Variants in EFCAB11 observed in about 807,000 individuals in gnomAD.
The protein encoded by EFCAB11 is EF-hand calcium-binding domain-containing protein 11.
Under a neutral mutation model 23.0 loss-of-function variants are expected in EFCAB11, and 14 were observed. That is an observed-to-expected ratio of 0.61 (90% CI 0.40 to 0.95). EFCAB11 has a LOEUF of 0.95. Among genes scored for constraint, EFCAB11 ranks in the 40% least tolerant of loss-of-function variants. The pLI is 0.00. For missense variants in EFCAB11, 198 were observed against 195.8 expected, an observed-to-expected ratio of 1.01 and a Z score of -0.07; for synonymous variants, 65 against 66.6, an observed-to-expected ratio of 0.98 and a Z score of 0.11.
intron 5 of EFCAB11, among the ~76,000 whole-genome samples, chr14:89,882,487 T>A (rs1297259592): frequency 6.6e-6 from 1 of 152,236 alleles, no homozygotes; most frequent in East Asian, 1.9e-4. Flanking sequence ...ATGTTTCATT[T>A]CATCCAGGTG....
intron 3 of EFCAB11, among the ~76,000 whole-genome samples, chr14:89,946,716 C>A (rs111584410): frequency 6.6e-6 from 1 of 150,732 alleles, no homozygotes; most frequent in Admixed American, 6.6e-5. Flanking sequence ...ATTACAGGCA[C>A]GTGCCATCAT....
At chr14:89,878,473 C>T (rs902531289) in intron 5 of EFCAB11, among the ~76,000 whole-genome samples, 1 of 151,996 alleles carries the variant, frequency 6.6e-6, no homozygotes, top group Non-Finnish European at 1.5e-5. Flanking sequence ...AGCAACAATC[C>T]ATATCCAAAA....
chr14:89,889,723 C>T (rs1888902655), intron 5 of EFCAB11, among the ~76,000 whole-genome samples: 1 of 152,258 alleles, frequency 6.6e-6, no homozygotes, highest in Non-Finnish European at 1.5e-5. Context: ...CAGAGAATGC[C>T]AGTGTGATCA....
At chr14:89,856,188 CTCTCTT>C (rs1887746139) in intron 5 of EFCAB11, among the ~76,000 whole-genome samples, 1 of 87,260 alleles carries the variant, frequency 1.1e-5, no homozygotes. Flanking sequence ...TTCTCTCTCT[CTCTCTT>C]TTTTTTTTTT....
At chr14:89,885,327 T>C (rs1888719444) in intron 5 of EFCAB11, among the ~76,000 whole-genome samples, 1 of 152,192 alleles carries the variant, frequency 6.6e-6, no homozygotes, top group South Asian at 2.1e-4. Flanking sequence ...TTAAAACATT[T>C]TGGCATTGTC....
intron 5 of EFCAB11, among the ~76,000 whole-genome samples, chr14:89,908,225 A>G (rs1486183643): frequency 1.3e-5 from 2 of 152,226 alleles, no homozygotes. Flanking sequence ...AACAACATGA[A>G]TAAGCAGTGA....
At chr14:89,846,480 A>T (rs1245110413) in intron 5 of EFCAB11, among the ~76,000 whole-genome samples, 1 of 152,204 alleles carries the variant, frequency 6.6e-6, no homozygotes, top group Non-Finnish European at 1.5e-5. Context: ...CAGTGCAAAG[A>T]GCTTAGTCCC....
intron 5 of EFCAB11, among the ~76,000 whole-genome samples, chr14:89,857,427 C>T (rs1392455163): frequency 7.2e-5 from 11 of 152,182 alleles, no homozygotes; most frequent in East Asian, 1.9e-4. Context: ...TGTAAAAACA[C>T]GGTTCCCGAT....
rs186180376 is a variant in EFCAB11 at position 89,827,519 on chromosome 14, C to G, written c.411-30195G>C. ...GATGTGGTTTGTCAGGCAGGTCTGG[C>G]CCCACCATGCAGAGTATAGAAGGGT... On this transcript the variant is annotated intron_variant, in intron 5 of 5. Transcript: ENST00000316738. Among the ~76,000 whole-genome samples the G allele has an allele frequency of 6.5e-3, 995 of 152,198 alleles. 7 individuals carry two copies. The highest frequency in any genetic ancestry group is 0.023 in the African/African-American group (957 of 41,520).
At chr14:89,827,436 C>G (rs572955646) in intron 5 of EFCAB11, among the ~76,000 whole-genome samples, 16 of 152,178 alleles carry the variant, frequency 1.1e-4, no homozygotes, top group East Asian at 7.7e-4. Context: ...TCTGGCCGCC[C>G]GGTAGCCTCT....
At chr14:89,883,548 A>C (rs1888663437) in intron 5 of EFCAB11, among the ~76,000 whole-genome samples, 1 of 152,212 alleles carries the variant, frequency 6.6e-6, no homozygotes. Flanking sequence ...AATGGCATGT[A>C]AACAGTTGTT....
intron 2 of EFCAB11, among the ~76,000 whole-genome samples, chr14:89,952,914 A>G (rs1891221515): frequency 6.6e-6 from 1 of 152,138 alleles, no homozygotes; most frequent in South Asian, 2.1e-4. Context: ...GACTCTGACT[A>G]ATTCCAGCTT....
At chr14:89,816,458 T>C (rs1207806836) in intron 5 of EFCAB11, among the ~76,000 whole-genome samples, 1 of 152,192 alleles carries the variant, frequency 6.6e-6, no homozygotes, top group Non-Finnish European at 1.5e-5. Flanking sequence ...AAAAGAAATA[T>C]GTTCTTCTCA....
intron 5 of EFCAB11, chr14:89,837,253 G>A: frequency 2.6e-6 from 1 of 388,278 alleles, no homozygotes; most frequent in South Asian, 1.9e-5. Context: ...GCCTTGCCCT[G>A]TGCCCTTCTG....
intron 5 of EFCAB11, among the ~76,000 whole-genome samples, chr14:89,861,597 T>C (rs1164879822): frequency 6.6e-6 from 1 of 152,196 alleles, no homozygotes; most frequent in Non-Finnish European, 1.5e-5. Flanking sequence ...GGTTTAAATG[T>C]GTCCCCCAAA....
At chr14:89,925,398 G>A (rs2139795009) in intron 5 of EFCAB11, among the ~76,000 whole-genome samples, 1 of 152,284 alleles carries the variant, frequency 6.6e-6, no homozygotes, top group East Asian at 1.9e-4. Flanking sequence ...TTTTCAGTCA[G>A]TTTTATTAGT....
In EFCAB11 at chr14:89,931,610, T is replaced by C. The variant is rs961835323; in HGVS notation, c.341A>G (p.Glu114Gly). 9.9e-6 allele frequency: 16 copies of C among 1,613,942 alleles called. No individual in the cohort carries two copies. Among genetic ancestry groups the C allele is most frequent in the Non-Finnish European group, 1.4e-5 (16 of 1,179,990 alleles). ...CTGCCTAAATGCTTTTTTGAAATCT[T>C]CCAAAGTTAAAAATCCACGATCTAT... ...DTYYRGFLTLEDFKKAFRQVA... is the reference protein window; with the variant it reads ...DTYYRGFLTLGDFKKAFRQVA... Residue 114 changes from glutamate (E) to glycine (G), a missense_variant, in exon 5 of 6, where the codon GAA becomes GGA. Physicochemically the swap from Glu to Gly is moderately conservative, Grantham distance 98. Transcript: ENST00000316738.
intron 5 of EFCAB11, among the ~76,000 whole-genome samples, chr14:89,868,258 G>C (rs1888158155): frequency 6.6e-6 from 1 of 152,212 alleles, no homozygotes; most frequent in Non-Finnish European, 1.5e-5. Context: ...AGACTGGCAA[G>C]ACCAGTAGGA....
chr14:89,913,693 C>G (rs750353270), intron 5 of EFCAB11, among the ~76,000 whole-genome samples: 1 of 152,196 alleles, frequency 6.6e-6, no homozygotes, highest in Non-Finnish European at 1.5e-5. Context: ...TTACCAACCA[C>G]GCTGAAGGCT....
Sources: gnomAD v4.1 joint callset for allele counts (sites outside exome capture counted in the v4.1 genomes callset) on GRCh38, gnomAD v4.1.1 for gene constraint, MANE v1.5 for transcripts, NCBI Gene and HGNC (gene_info 2026-07-23, HGNC 2026-07-21) for gene names.